The following SLAMF7 variants were observed in gnomAD, a reference collection of about 807,000 sequenced individuals.
SLAMF7 encodes the protein SLAM family member 7, also known as 19A24 protein.
A neutral mutation model predicts 34.1 loss-of-function variants in SLAMF7; 26 were observed. The ratio of observed to expected loss-of-function variants is 0.76; its 90% CI spans 0.56 to 1.06. The LOEUF is 1.06. Among genes scored for constraint, SLAMF7 ranks in the 50% least tolerant of loss-of-function variants. The pLI, the probability that SLAMF7 is intolerant of heterozygous loss-of-function variation, is 0.00. For synonymous variants in SLAMF7, 171 were observed against 156.4 expected (o/e 1.09, Z -0.70); for missense variants, 399 against 402.5 (o/e 0.99, Z 0.07).
At chr1:160,752,057 TC>T in intron 5 of SLAMF7, 128 bp from the exon 6 acceptor site, 1 of 689,940 alleles carries the variant, frequency 1.4e-6, no homozygotes, top group Non-Finnish European at 2.5e-6. Flanking sequence ...TCCAGAACCC[TC>T]CTTTTCCTCT....
upstream of SLAMF7, chr1:160,739,156 C>A: frequency 1.3e-6 from 1 of 753,508 alleles, no homozygotes; most frequent in Non-Finnish European, 2.4e-6. Flanking sequence ...GCTCTATTCA[C>A]TCTGAAAATA....
Position 160,754,308 on chromosome 1 carries a change from T to G in SLAMF7, c.*1131T>G, listed in dbSNP as rs1045212674. 1 of 152,100 alleles carries G rather than the reference T, an allele frequency of 6.6e-6. No individual in the cohort carries two copies. The highest frequency in any genetic ancestry group is 1.5e-5 in the Non-Finnish European group (1 of 68,078). 9.4% of individuals were successfully genotyped at this position (152,100 alleles called of 1,614,324 possible). On this transcript the variant is annotated 3_prime_UTR_variant, in exon 7 of 7. Coordinates refer to ENST00000368043, the MANE Select transcript of SLAMF7 (RefSeq NM_021181.5). ...CTCTACTAAAGATACAAAAATTTGC[T>G]GAGCGTGGTGGTGTGCACCTGTAAT... is the stretch of plus-strand genomic sequence containing the variant.
rs187350270 is a variant in SLAMF7, at chr1:160,744,116, A to G, written c.56-4078A>G. On this transcript the variant is annotated intron_variant, in intron 1 of 6. Coordinates refer to ENST00000368043, the MANE Select transcript of SLAMF7 (RefSeq NM_021181.5). ...CTCCTAAACAATGAGAACTAAATAA[A>G]TTCTTGTTAAAAGAAGGAATGACTG... 1.1e-4 allele frequency among the ~76,000 whole-genome samples: 17 copies of G among 152,326 alleles called. No homozygotes were observed. In the East Asian group the frequency reaches 2.9e-3, roughly 26 times the overall value.
intron 4 of SLAMF7, chr1:160,750,700 G>T: frequency 3.1e-6 from 1 of 325,744 alleles, no homozygotes; most frequent in South Asian, 3.7e-5. Flanking sequence ...ACATCCTGAT[G>T]TGGCTCTTCT....
intron 6 of SLAMF7, 125 bp downstream of exon 6, chr1:160,752,373 T>C: frequency 3.0e-6 from 2 of 667,390 alleles, no homozygotes; most frequent in Non-Finnish European, 5.3e-6. Flanking sequence ...ACCCTAGTAG[T>C]TCCCCATTCC....
chr1:160,742,177 G>A (rs928845120), intron 1 of SLAMF7, among the ~76,000 whole-genome samples: 3 of 152,140 alleles, frequency 2.0e-5, no homozygotes, highest in African/African-American at 7.2e-5. Flanking sequence ...ACAGGACAGG[G>A]GAGGAGGTGA....
intron 1 of SLAMF7, among the ~76,000 whole-genome samples, chr1:160,746,987 G>A (rs116906690): frequency 1.6e-4 from 25 of 152,204 alleles, no homozygotes; most frequent in Non-Finnish European, 2.9e-4. Flanking sequence ...ATCAAAATCC[G>A]CATGCTCTCT....
rs1447012007 is a variant in SLAMF7, at chr1:160,754,732, T to G, written c.*1555T>G. On this transcript the variant is annotated 3_prime_UTR_variant, in exon 7 of 7. Transcript: ENST00000368043. Reference sequence around the variant, plus strand: ...GGCATTGTGAAGGAATTGAGCCAGATCTCTCTCCCTACTGCAAAACCCTAT... The same window carrying G: ...GGCATTGTGAAGGAATTGAGCCAGAGCTCTCTCCCTACTGCAAAACCCTAT... 1 of 152,358 alleles carries G rather than the reference T, an allele frequency of 6.6e-6. No individual in the cohort carries two copies. The highest frequency in any genetic ancestry group is 1.9e-4 in the East Asian group (1 of 5,340). 9.4% of individuals were successfully genotyped at this position (152,358 alleles called of 1,614,324 possible). A position where few individuals can be genotyped will look rare whatever the true frequency, so the allele number is the denominator to read the frequency against.
chr1:160,746,303 A>T (rs1313426160), intron 1 of SLAMF7, among the ~76,000 whole-genome samples: 1 of 152,260 alleles, frequency 6.6e-6, no homozygotes, highest in Non-Finnish European at 1.5e-5. Context: ...CTTATGGAAG[A>T]AGGACCAACA....
chr1:160,739,669 G>A, intron 1 of SLAMF7: 1 of 271,278 alleles, frequency 3.7e-6, no homozygotes, highest in Non-Finnish European at 7.0e-6. Flanking sequence ...GAATGTTAAA[G>A]TTTTCCTGGG....
intron 3 of SLAMF7, 69 bp downstream of exon 3, chr1:160,750,162 C>T (rs1202702414): frequency 2.5e-6 from 4 of 1,581,144 alleles, no homozygotes; most frequent in Non-Finnish European, 3.4e-6. Flanking sequence ...TCCTAGCCCC[C>T]ATGGGAACAG....
intron 1 of SLAMF7, among the ~76,000 whole-genome samples, chr1:160,739,979 A>G (rs1663599391): frequency 6.6e-6 from 1 of 152,102 alleles, no homozygotes; most frequent in Non-Finnish European, 1.5e-5. Flanking sequence ...TTCTATCCTA[A>G]GGGCTCTCAG....
chr1:160,749,773 G>C, intron 2 of SLAMF7, 48 bp from the exon 3 acceptor site: 1 of 1,471,728 alleles, frequency 6.8e-7, no homozygotes, highest in Non-Finnish European at 9.2e-7. Flanking sequence ...TCAGAGAATG[G>C]AGAGCTATAG....
Position 160,754,741 on chromosome 1 carries a change from C to T in SLAMF7, c.*1564C>T, listed in dbSNP as rs1006631331. The stretch of plus-strand genomic sequence containing the variant: ...AAGGAATTGAGCCAGATCTCTCTCC[C>T]TACTGCAAAACCCTATTGTAGTAAA... On this transcript the variant is annotated 3_prime_UTR_variant, in exon 7 of 7. Coordinates refer to ENST00000368043, the MANE Select transcript of SLAMF7 (RefSeq NM_021181.5). The T allele has an allele frequency of 2.6e-5, 4 of 152,358 alleles. No homozygotes were observed. Among genetic ancestry groups the T allele is most frequent in the Non-Finnish European group, 5.9e-5 (4 of 68,034 alleles). The allele number at this position is 152,358 out of a possible 1,614,324, so 9.4% of individuals were successfully genotyped here.
intron 6 of SLAMF7, 40 bp from the exon 7 acceptor site, chr1:160,753,066 C>A: frequency 6.3e-7 from 1 of 1,584,402 alleles, no homozygotes; most frequent in Non-Finnish European, 8.7e-7. Context: ...CAGAGCCCTG[C>A]TCACCTCCCT....
chr1:160,747,795 T>C (rs572158077), intron 1 of SLAMF7, among the ~76,000 whole-genome samples: 7 of 152,350 alleles, frequency 4.6e-5, no homozygotes, highest in South Asian at 4.1e-4. Flanking sequence ...CCAGAGTCTG[T>C]CTCTCAAGTT....
At chr1:160,743,482 C>A (rs1232378477) in intron 1 of SLAMF7, among the ~76,000 whole-genome samples, 2 of 152,168 alleles carry the variant, frequency 1.3e-5, no homozygotes, top group Admixed American at 1.3e-4. Flanking sequence ...TCATGTGACA[C>A]CCCTGAACTA....
chr1:160,751,848 C>G (rs1172795655), intron 5 of SLAMF7: 1 of 66,018 alleles, frequency 1.5e-5, no homozygotes, highest in Non-Finnish European at 2.9e-5. Flanking sequence ...CTCTCTCTCT[C>G]TCTCTCTCTC....
At chr1:160,741,846 A>G (rs1663771588) in intron 1 of SLAMF7, among the ~76,000 whole-genome samples, 1 of 152,108 alleles carries the variant, frequency 6.6e-6, no homozygotes, top group South Asian at 2.1e-4. Flanking sequence ...CATCACCATA[A>G]CCTTCTGAAT....
Sources: gnomAD v4.1 joint callset for allele counts (sites outside exome capture counted in the v4.1 genomes callset) on GRCh38, gnomAD v4.1.1 for gene constraint, MANE v1.5 for transcripts, NCBI Gene and HGNC (gene_info 2026-07-23, HGNC 2026-07-21) for gene names.